The following LARS1 variants were observed in gnomAD, a reference collection of about 807,000 sequenced individuals.
The protein encoded by LARS1 is leucyl-tRNA synthetase 1.
Under a neutral mutation model 162.8 loss-of-function variants are expected in LARS1, and 100 were observed. The observed-to-expected ratio is 0.61, with a 90% CI of 0.52 to 0.73. LARS1 has a LOEUF of 0.73. Ranked by LOEUF, LARS1 falls within the 30% of genes least tolerant of loss-of-function variation. The pLI is 0.00. For synonymous variants in LARS1, 457 were observed against 462.8 expected (o/e 0.99, Z 0.16); for missense variants, 1,258 against 1,408.9 (o/e 0.89, Z 1.71).
chr5:146,126,842 A>T (rs1325007882), intron 27 of LARS1, among the ~76,000 whole-genome samples: 2 of 152,126 alleles, frequency 1.3e-5, no homozygotes, highest in Admixed American at 1.3e-4. Context: ...ACTTGTTTTC[A>T]AATTTCTAAA....
At position 146,114,452 on chromosome 5, in the gene LARS1, C is replaced by T. The variant is rs370037775; in HGVS notation, c.3326-141G>A. On this transcript the variant is annotated intron_variant, in intron 31 of 31. Transcript: ENST00000394434. ...TCTTCAGATTATTAAATAAAAGCCACGCTGGGTGCGGTGGCTCACACCTGT... is the reference window on the plus strand; with the variant it reads ...TCTTCAGATTATTAAATAAAAGCCATGCTGGGTGCGGTGGCTCACACCTGT... 1.3e-4 allele frequency: 95 copies of T among 713,202 alleles called. 3 individuals carry two copies. The highest frequency in any genetic ancestry group is 4.0e-4 in the Admixed American group (15 of 37,124). 44.2% of individuals were successfully genotyped at this position (713,202 alleles called of 1,614,324 possible).
chr5:146,157,346 G>T, intron 10 of LARS1, 57 bp downstream of exon 10: 1 of 1,429,636 alleles, frequency 7.0e-7, no homozygotes. Flanking sequence ...AATATTCATT[G>T]TTGAAATTTT....
chr5:146,120,083 T>C (rs1751750261), intron 31 of LARS1, among the ~76,000 whole-genome samples: 2 of 152,160 alleles, frequency 1.3e-5, no homozygotes, highest in African/African-American at 4.8e-5. Flanking sequence ...AATCACTCAT[T>C]ACAATTTTAG....
intron 18 of LARS1, 117 bp from the exon 19 acceptor site, chr5:146,143,667 T>A (rs1752887549): frequency 1.1e-6 from 1 of 925,858 alleles, no homozygotes; most frequent in Non-Finnish European, 1.6e-6. Flanking sequence ...AGCTCTTAAA[T>A]TATTCTTGAA....
chr5:146,161,497 G>A (rs938549881), intron 6 of LARS1, among the ~76,000 whole-genome samples: 2 of 152,216 alleles, frequency 1.3e-5, no homozygotes, highest in Non-Finnish European at 2.9e-5. Flanking sequence ...GGGAGGCCAA[G>A]GCAGGCGGAT....
At chr5:146,126,402 T>C in intron 28 of LARS1, 33 bp downstream of exon 28, 1 of 1,327,324 alleles carries the variant, frequency 7.5e-7, no homozygotes, top group Non-Finnish European at 1.1e-6. Context: ...CCATTGCTCA[T>C]GTGGTCACAG....
rs1307084199 is a variant in LARS1, at chr5:146,144,333, T to G, written c.1672A>C (p.Arg558=). ...CCTAAGGTGGCTTCAAAATTCCTCC[T>G]GGTCTCCTCACAGAATCTAGAAAAG... ...KNLETFCEET[R]RNFEATLGWL... Residue 558 remains arginine (R), a synonymous_variant, in exon 18 of 32, where the codon AGG becomes CGG. Transcript: ENST00000394434. 2 of 1,613,384 alleles carry G rather than the reference T, an allele frequency of 1.2e-6. No homozygotes were observed. Among genetic ancestry groups the G allele is most frequent in the Admixed American group, 3.3e-5 (2 of 59,830 alleles).
intron 6 of LARS1, among the ~76,000 whole-genome samples, chr5:146,161,688 G>A (rs1422879479): frequency 6.6e-6 from 1 of 151,626 alleles, no homozygotes; most frequent in African/African-American, 2.4e-5. Context: ...GGGAGGCGGA[G>A]GTTGCAGTGA....
At chr5:146,132,507 T>C (rs1249762276) in intron 23 of LARS1, 1 of 159,138 alleles carries the variant, frequency 6.3e-6, no homozygotes, top group African/African-American at 2.4e-5. Flanking sequence ...TTAACCATTT[T>C]GCCCTACTCG....
At chr5:146,153,449 C>T (rs1350587707) in intron 12 of LARS1, among the ~76,000 whole-genome samples, 1 of 152,140 alleles carries the variant, frequency 6.6e-6, no homozygotes, top group Non-Finnish European at 1.5e-5. Context: ...AATGAAACCA[C>T]ACAACCAAAA....
At position 146,125,883 on chromosome 5, in the gene LARS1, G is replaced by A. The variant is rs116770258; in HGVS notation, c.2991+552C>T. Among the ~76,000 whole-genome samples, 332 of 152,064 alleles carry A rather than the reference G, an allele frequency of 2.2e-3. 3 individuals carry two copies. Among genetic ancestry groups the A allele is most frequent in the African/African-American group, 7.8e-3 (322 of 41,526 alleles). ...CCCAGCGGACATTTGGCAATGTCTG[G>A]AGATATTTTTCATTGTCATAACTAG... is the stretch of plus-strand genomic sequence containing the variant. On this transcript the variant is annotated intron_variant, in intron 28 of 31. Transcript: ENST00000394434.
Position 146,143,516 on chromosome 5 carries a change from A to G in LARS1, c.1773T>C (p.Ile591=), listed in dbSNP as rs1353705568. Residue 591 remains isoleucine (I), a synonymous_variant, in exon 19 of 32, where the codon ATT becomes ATC. Coordinates refer to ENST00000394434, the MANE Select transcript of LARS1 (RefSeq NM_020117.11). The part of the protein sequence containing the change: ...THLPWDEQWL[I]ESLSDSTIYM... The stretch of plus-strand genomic sequence containing the variant: ...AAATAGTGGAGTCAGAAAGTGATTC[A>G]ATCAGCCACTGCTCATCCCAAGGCA... The G allele has an allele frequency of 1.2e-6, 2 of 1,613,882 alleles. No individual in the cohort carries two copies. Among genetic ancestry groups the G allele is most frequent in the South Asian group, 1.1e-5 (1 of 91,076 alleles).
chr5:146,156,293 G>T (rs1753523439), intron 10 of LARS1, among the ~76,000 whole-genome samples: 1 of 152,130 alleles, frequency 6.6e-6, no homozygotes, highest in African/African-American at 2.4e-5. Flanking sequence ...CAATTTAAAA[G>T]AATTGAGATG....
intron 15 of LARS1, among the ~76,000 whole-genome samples, chr5:146,146,202 T>C (rs1412510183): frequency 1.3e-5 from 2 of 151,922 alleles, no homozygotes; most frequent in African/African-American, 2.4e-5. Flanking sequence ...TAGCTGGGCA[T>C]GGTGGCGCAC....
rs373079599 is a variant in LARS1, at chr5:146,129,102, T to C, written c.2645A>G (p.Asn882Ser). Reference protein sequence around the residue: ...TLLGKPDSIMNASWPVAGPVN... With the variant: ...TLLGKPDSIMSASWPVAGPVN... ...AGGACCTGCCACAGGCCATGAAGCA[T>C]TCATAATTGAGTCAGGCTTTTAAAA... The change falls in exon 26 of 32, where the codon AAT (asparagine) becomes AGT (serine). Residue 882 changes from asparagine to serine, a missense_variant. By Grantham distance (46) the Asn-to-Ser change is conservative (BLOSUM62 1). Transcript: ENST00000394434. 5.1e-5 allele frequency: 81 copies of C among 1,586,284 alleles called. No homozygotes were observed. Among genetic ancestry groups the C allele is most frequent in the Non-Finnish European group, 6.6e-5 (77 of 1,170,586 alleles).
chr5:146,127,763 T>C (rs575847174), intron 27 of LARS1, among the ~76,000 whole-genome samples: 3 of 152,230 alleles, frequency 2.0e-5, no homozygotes, highest in Admixed American at 6.6e-5. Flanking sequence ...GAAATAGTTC[T>C]CCACAAAAAT....
At position 146,128,712 on chromosome 5, in the gene LARS1, C is replaced by T; in HGVS notation, c.2840G>A (p.Trp947Ter). The T allele has an allele frequency of 6.3e-7, 1 of 1,591,910 alleles. No individual in the cohort carries two copies. Among genetic ancestry groups the T allele is most frequent in the East Asian group, 2.2e-5 (1 of 44,454 alleles). The change falls in exon 27 of 32, where the codon TGG (tryptophan) becomes TAG (stop). Residue 947 changes from tryptophan (W) to a stop codon, truncating the protein, a stop_gained. Coordinates refer to ENST00000394434, the MANE Select transcript of LARS1 (RefSeq NM_020117.11). LOFTEE classifies it high-confidence loss of function. ...TIYVAKNYPP[W>*]QHTTLSVLRK... ...TAGAACAGACAGGGTGGTATGTTGC[C>T]AAGGTGGATAGTTCTTTGCCACATA...
chr5:146,152,332 G>A (rs1434209652), intron 13 of LARS1, among the ~76,000 whole-genome samples: 1 of 151,986 alleles, frequency 6.6e-6, no homozygotes, highest in Non-Finnish European at 1.5e-5. Context: ...GTAAACCAGG[G>A]GTTCCCAACC....
intron 31 of LARS1, among the ~76,000 whole-genome samples, chr5:146,119,589 GAAA>G (rs768222459): frequency 7.2e-5 from 11 of 152,188 alleles, no homozygotes; most frequent in Non-Finnish European, 1.3e-4. Flanking sequence ...TAGCTCAGAA[GAAA>G]AATAAGAGAG....
Sources: allele counts gnomAD v4.1 joint callset (sites outside exome capture counted in the v4.1 genomes callset), GRCh38; gene constraint gnomAD v4.1.1; transcripts MANE v1.5; gene names NCBI Gene and HGNC (gene_info 2026-07-23, HGNC 2026-07-21).